Variants in EEIG1 observed in about 807,000 individuals in gnomAD.
EEIG1 encodes the protein early estrogen-induced gene 1 protein.
chr9:127,959,563 T>TG, the EEIG1 span, among the ~76,000 whole-genome samples: 1 of 152,118 alleles, frequency 6.6e-6, no homozygotes. Context: ...GGGAAGGGCC[T>TG]GGGGGGAGGT....
chr9:127,980,656 G>T, the EEIG1 span: 1 of 150,448 alleles, frequency 6.6e-6, no homozygotes, highest in South Asian at 2.1e-4. Context: ...GGTGCCGGGC[G>T]GCCAGCGCAG....
chr9:127,954,024 C>T, the EEIG1 span: 15 of 1,420,888 alleles, frequency 1.1e-5, no homozygotes, highest in Admixed American at 1.1e-4. Flanking sequence ...GGGACTGAGG[C>T]GGTGGGAAGC....
chr9:127,980,104 A>G, the EEIG1 span: 1 of 1,613,518 alleles, frequency 6.2e-7, no homozygotes, highest in Admixed American at 1.7e-5. Flanking sequence ...GTAGTTTGGA[A>G]TTTGAATTTC....
the EEIG1 span, among the ~76,000 whole-genome samples, chr9:127,971,836 CTT>C: frequency 6.6e-6 from 1 of 152,178 alleles, no homozygotes; most frequent in Non-Finnish European, 1.5e-5. Flanking sequence ...GGAGGTGACT[CTT>C]AGGCTGAGAA....
chr9:127,944,416 GC>G, the EEIG1 span: 1 of 606,200 alleles, frequency 1.6e-6, no homozygotes. Flanking sequence ...TGCCCTCACT[GC>G]CCCAGGCTCC....
the EEIG1 span, among the ~76,000 whole-genome samples, chr9:127,949,044 C>G: frequency 6.6e-6 from 1 of 151,630 alleles, no homozygotes. Flanking sequence ...GGCCGGGTGC[C>G]GTGGCTCACG....
At chr9:127,954,971 A>G in the EEIG1 span, among the ~76,000 whole-genome samples, 11 of 152,284 alleles carry the variant, frequency 7.2e-5, no homozygotes, top group African/African-American at 2.6e-4. Context: ...CCTTGGCAGG[A>G]TCTGGGGGTG....
chr9:127,969,560 C>T, the EEIG1 span, among the ~76,000 whole-genome samples: 1 of 152,162 alleles, frequency 6.6e-6, no homozygotes, highest in African/African-American at 2.4e-5. Context: ...TATCCCATTT[C>T]ACAGATGAGG....
chr9:127,947,729 C>T, the EEIG1 span, among the ~76,000 whole-genome samples: 1 of 152,152 alleles, frequency 6.6e-6, no homozygotes, highest in African/African-American at 2.4e-5. Flanking sequence ...CAGATGGATC[C>T]CACCTTCTGG....
chr9:127,970,833 C>T, the EEIG1 span, among the ~76,000 whole-genome samples: 2 of 98,788 alleles, frequency 2.0e-5, no homozygotes, highest in Non-Finnish European at 4.8e-5. Flanking sequence ...GCTCTTCTCC[C>T]ACCCGCCACC....
At chr9:127,969,633 A>G in the EEIG1 span, among the ~76,000 whole-genome samples, 1 of 152,098 alleles carries the variant, frequency 6.6e-6, no homozygotes, top group Admixed American at 6.5e-5. Flanking sequence ...CCCCATGAAC[A>G]GCCAAGCCCC....
the EEIG1 span, among the ~76,000 whole-genome samples, chr9:127,969,517 C>T: frequency 6.6e-6 from 1 of 152,128 alleles, no homozygotes; most frequent in African/African-American, 2.4e-5. Flanking sequence ...TAGGCATTAA[C>T]CCATTTCACC....
chr9:127,948,091 C>T, the EEIG1 span: 11 of 1,612,108 alleles, frequency 6.8e-6, no homozygotes, highest in South Asian at 2.2e-5. Context: ...AATAGTGGGC[C>T]GAGCCTTGGG....
chr9:127,975,296 G>C, the EEIG1 span, among the ~76,000 whole-genome samples: 1 of 152,202 alleles, frequency 6.6e-6, no homozygotes, highest in Non-Finnish European at 1.5e-5. Context: ...TGGAAGGCAG[G>C]CAGCATCTTT....
At chr9:127,959,635 A>G in the EEIG1 span, among the ~76,000 whole-genome samples, 3 of 152,016 alleles carry the variant, frequency 2.0e-5, no homozygotes, top group Non-Finnish European at 4.4e-5. Context: ...TTCTCATGAG[A>G]TCTGATGGTT....
chr9:127,948,208 T>C, the EEIG1 span: 8 of 1,613,908 alleles, frequency 5.0e-6, no homozygotes, highest in African/African-American at 1.3e-5. Flanking sequence ...GGAGATGGAC[T>C]TGGCAGTCGA....
chr9:127,958,252 T>G, the EEIG1 span, among the ~76,000 whole-genome samples: 2 of 152,116 alleles, frequency 1.3e-5, no homozygotes, highest in Non-Finnish European at 2.9e-5. Context: ...CTATAAAATG[T>G]TGGAAAAAAG....
the EEIG1 span, among the ~76,000 whole-genome samples, chr9:127,971,894 G>A: frequency 9.2e-5 from 14 of 152,202 alleles, 1 homozygote; most frequent in Admixed American, 9.2e-4. Context: ...TTGAGGAAGA[G>A]GCAACTACAG....
At chr9:127,973,881 G>A in the EEIG1 span, among the ~76,000 whole-genome samples, 2 of 152,156 alleles carry the variant, frequency 1.3e-5, no homozygotes, top group Admixed American at 6.5e-5. This position sits in a 1 kb window ranked among gnomAD's most constrained non-coding sequence, Gnocchi z 4.2. Context: ...GGCATGCTGC[G>A]GGGTCAGGGG....
Sources: gnomAD v4.1 joint callset for allele counts (sites outside exome capture counted in the v4.1 genomes callset) on GRCh38, gnomAD v4.1.1 for gene constraint, Gnocchi (gnomAD v3.1) non-coding constraint, MANE v1.5 for transcripts, NCBI Gene and HGNC (gene_info 2026-07-23, HGNC 2026-07-21) for gene names.